MYO16: variants seen among roughly 807,000 people sequenced by gnomAD.
MYO16 encodes the protein unconventional myosin-XVI.
In MYO16, 94 loss-of-function variants were observed where a neutral mutation model predicts 205.3. That is an observed-to-expected ratio of 0.46 (90% CI 0.39 to 0.54). The LOEUF is 0.54. MYO16 is among the 20% of genes least tolerant of loss of function. The pLI is 0.00. For missense variants in MYO16, 2,315 were observed against 2,387.5 expected (o/e 0.97, Z 0.63); for synonymous variants, 988 against 954.0 (o/e 1.04, Z -0.66).
intron 23 of MYO16, among the ~76,000 whole-genome samples, chr13:109,027,170 A>G (rs989098964): frequency 6.6e-6 from 1 of 152,158 alleles, no homozygotes; most frequent in African/African-American, 2.4e-5. Flanking sequence ...AGCCATTGGC[A>G]TTCCTGCCTT....
At chr13:109,069,636 A>G (rs971086783) in intron 27 of MYO16, among the ~76,000 whole-genome samples, 1 of 151,946 alleles carries the variant, frequency 6.6e-6, no homozygotes, top group African/African-American at 2.4e-5. Flanking sequence ...TTTCTTTGGT[A>G]CATACATGCC....
At chr13:108,647,611 A>G (rs1880812661) in intron 1 of MYO16, among the ~76,000 whole-genome samples, 1 of 152,036 alleles carries the variant, frequency 6.6e-6, no homozygotes, top group African/African-American at 2.4e-5. Flanking sequence ...ATTTTTTCTC[A>G]TCTTTGAATT....
intron 28 of MYO16, 61 bp downstream of exon 28, chr13:109,100,948 A>G (rs1594086496): frequency 7.0e-7 from 1 of 1,434,814 alleles, no homozygotes; most frequent in South Asian, 1.2e-5. Context: ...GAGCTGAGTC[A>G]TTGCAGGGAG....
rs1167018561 is a variant in MYO16, at chr13:109,206,866, G to GAAC, written c.*31_*33dup. 6.3e-7 allele frequency: 1 copy of GAAC among 1,589,180 alleles called. No individual in the cohort carries two copies. Among genetic ancestry groups the GAAC allele is most frequent in the Non-Finnish European group, 8.6e-7 (1 of 1,161,344 alleles). The stretch of plus-strand genomic sequence containing the variant: ...GCCTGAACTGCAGACTTACAAAATA[G>GAAC]AACTGCCTACTGATTCCGGGCTGCA... On this transcript the variant is annotated 3_prime_UTR_variant, in exon 35 of 35. Transcript: ENST00000457511.
At chr13:108,788,510 A>G (rs1886523405) in intron 5 of MYO16, among the ~76,000 whole-genome samples, 1 of 152,226 alleles carries the variant, frequency 6.6e-6, no homozygotes, top group Non-Finnish European at 1.5e-5. Flanking sequence ...TGGATACATT[A>G]TACACACACA....
At chr13:108,877,913 C>T (rs1278082657) in intron 12 of MYO16, among the ~76,000 whole-genome samples, 1 of 152,132 alleles carries the variant, frequency 6.6e-6, no homozygotes, top group East Asian at 1.9e-4. Context: ...CATGAGAGTA[C>T]CATTCTATAT....
intron 12 of MYO16, among the ~76,000 whole-genome samples, chr13:108,873,474 C>T (rs551143040): frequency 3.9e-4 from 59 of 152,358 alleles, no homozygotes; most frequent in African/African-American, 1.4e-3. Flanking sequence ...CACAAGGCGG[C>T]AGGCAGCCCT....
At chr13:108,842,643 A>G (rs1324975325) in intron 9 of MYO16, among the ~76,000 whole-genome samples, 3 of 152,116 alleles carry the variant, frequency 2.0e-5, no homozygotes, top group Non-Finnish European at 4.4e-5. Context: ...GACCCCTTGA[A>G]CACTGTTTGT....
intron 22 of MYO16, among the ~76,000 whole-genome samples, chr13:109,015,052 G>A (rs1194619347): frequency 1.3e-5 from 2 of 152,198 alleles, no homozygotes; most frequent in Admixed American, 6.5e-5. Context: ...TTTGCAAAGG[G>A]AACGCTTCCA....
intron 2 of MYO16, among the ~76,000 whole-genome samples, chr13:108,692,608 G>A (rs544212205): frequency 3.9e-5 from 6 of 152,270 alleles, no homozygotes; most frequent in Admixed American, 1.3e-4. Context: ...AATGTCCTAA[G>A]GGCCAGCATT....
intron 9 of MYO16, among the ~76,000 whole-genome samples, chr13:108,838,272 T>A (rs2139057489): frequency 6.6e-6 from 1 of 152,174 alleles, no homozygotes; most frequent in Non-Finnish European, 1.5e-5. Context: ...ATTTAATACA[T>A]GCAGCGTGTT....
intron 2 of MYO16, among the ~76,000 whole-genome samples, chr13:108,700,189 C>T (rs761634119): frequency 1.8e-4 from 28 of 151,904 alleles, no homozygotes; most frequent in Non-Finnish European, 2.6e-4. Context: ...AAAAATTAGC[C>T]GGGTGTGGTG....
chr13:108,685,693 G>A (rs1366719418), intron 2 of MYO16, among the ~76,000 whole-genome samples: 1 of 152,166 alleles, frequency 6.6e-6, no homozygotes, highest in Non-Finnish European at 1.5e-5. Context: ...CACAGCCTGG[G>A]CAGCTTATAC....
intron 1 of MYO16, among the ~76,000 whole-genome samples, chr13:108,634,405 TCC>T (rs923428991): frequency 6.6e-6 from 1 of 152,176 alleles, no homozygotes; most frequent in Admixed American, 6.5e-5. Flanking sequence ...CCTTCAGCTC[TCC>T]CCTTTCTCTC....
At chr13:108,810,550 A>G (rs1031461974) in intron 7 of MYO16, among the ~76,000 whole-genome samples, 1 of 152,166 alleles carries the variant, frequency 6.6e-6, no homozygotes, top group Non-Finnish European at 1.5e-5. Context: ...TGACATCTAG[A>G]ATTATTCTAA....
chr13:108,901,393 T>C (rs1394076579), intron 15 of MYO16, among the ~76,000 whole-genome samples: 4 of 152,156 alleles, frequency 2.6e-5, no homozygotes, highest in African/African-American at 9.7e-5. Flanking sequence ...AAATTTTCTC[T>C]CTTTTGTACT....
intron 16 of MYO16, among the ~76,000 whole-genome samples, chr13:108,921,865 A>G (rs545032842): frequency 6.6e-6 from 1 of 152,340 alleles, no homozygotes; most frequent in African/African-American, 2.4e-5. Context: ...GTAGGCCAGG[A>G]GTAGCCTCAG....
At chr13:108,879,893 G>C (rs980730509) in intron 12 of MYO16, among the ~76,000 whole-genome samples, 1 of 152,148 alleles carries the variant, frequency 6.6e-6, no homozygotes, top group Non-Finnish European at 1.5e-5. Flanking sequence ...GGGATGGCTG[G>C]GTCAAATGGT....
intron 2 of MYO16, among the ~76,000 whole-genome samples, chr13:108,673,385 G>A (rs1195376883): frequency 7.0e-6 from 1 of 143,550 alleles, no homozygotes; most frequent in African/African-American, 2.6e-5. Flanking sequence ...TTTTTCAAAA[G>A]CAATGTTATT....
Sources: gnomAD v4.1 joint callset for allele counts (sites outside exome capture counted in the v4.1 genomes callset) on GRCh38, gnomAD v4.1.1 for gene constraint, MANE v1.5 for transcripts, NCBI Gene and HGNC (gene_info 2026-07-23, HGNC 2026-07-21) for gene names.